The following AMZ1 variants were observed in gnomAD, a reference collection of about 807,000 sequenced individuals.
The protein encoded by AMZ1 is archaelysin family metallopeptidase 1.
In AMZ1, 39 loss-of-function variants were observed where a neutral mutation model predicts 29.9. The ratio of observed to expected loss-of-function variants is 1.30; its 90% confidence interval spans 1.01 to 1.70. AMZ1 has a LOEUF of 1.70. Among genes scored for constraint, AMZ1 ranks in the 40% most tolerant of loss-of-function variants. The pLI is 0.00. For missense variants in AMZ1, 1,041 were observed against 680.6 expected (o/e 1.53, Z -5.89); for synonymous variants, 458 against 304.0 (o/e 1.51, Z -5.27).
upstream of AMZ1, among the ~76,000 whole-genome samples, chr7:2,685,473 G>T (rs1019394759): frequency 1.3e-5 from 2 of 151,528 alleles, no homozygotes; most frequent in Admixed American, 6.6e-5. Context: ...CAGGAGAATC[G>T]CTTGAACCCA....
At chr7:2,711,440 G>A (rs1312147229) in intron 6 of AMZ1, among the ~76,000 whole-genome samples, 1 of 152,244 alleles carries the variant, frequency 6.6e-6, no homozygotes. Context: ...TGATGTCAGT[G>A]AGTGCTGAGT....
At chr7:2,742,660 G>A (rs1053662963) in intron 4 of AMZ1, among the ~76,000 whole-genome samples, 25 of 152,068 alleles carry the variant, frequency 1.6e-4, no homozygotes, top group African/African-American at 4.6e-4. Flanking sequence ...CCCTGTCCCC[G>A]CAAACACCTG....
At chr7:2,686,032 C>A (rs1787066427), upstream of AMZ1, among the ~76,000 whole-genome samples, 1 of 152,154 alleles carries the variant, frequency 6.6e-6, no homozygotes, top group East Asian at 1.9e-4. Context: ...GATACCTGTA[C>A]AAAGATCTGT....
chr7:2,697,978 C>T (rs1787839185), intron 1 of AMZ1, among the ~76,000 whole-genome samples: 1 of 152,122 alleles, frequency 6.6e-6, no homozygotes, highest in Non-Finnish European at 1.5e-5. Flanking sequence ...CATGTATATA[C>T]AGCTGTGTCA....
At chr7:2,757,835 G>A (rs1200147233) in intron 4 of AMZ1, among the ~76,000 whole-genome samples, 1 of 149,362 alleles carries the variant, frequency 6.7e-6, no homozygotes, top group African/African-American at 2.6e-5. Flanking sequence ...ATGAAGACAT[G>A]TGTTTTTTCA....
intron 1 of AMZ1, among the ~76,000 whole-genome samples, chr7:2,694,299 C>T (rs539360359): frequency 6.6e-5 from 10 of 152,306 alleles, no homozygotes; most frequent in African/African-American, 1.7e-4. Context: ...CCTCTCTTGC[C>T]CCGGGACTGG....
chr7:2,758,433 C>G (rs1007852545), intron 4 of AMZ1, among the ~76,000 whole-genome samples: 6 of 152,182 alleles, frequency 3.9e-5, no homozygotes, highest in Admixed American at 1.3e-4. Flanking sequence ...TTCATGTGTT[C>G]TGTGCTGTCA....
At chr7:2,703,927 C>T (rs1414909386) in intron 3 of AMZ1, among the ~76,000 whole-genome samples, 7 of 152,188 alleles carry the variant, frequency 4.6e-5, no homozygotes, top group South Asian at 2.1e-4. Context: ...CTTGCTCTGT[C>T]GCCCAGGCTG....
At position 2,717,970 on chromosome 7, in the gene AMZ1, G is replaced by C. The variant is rs956680073; in HGVS notation, c.*5092G>C. ...GCAAATCCAAATAGTCACCGGAGTC[G>C]AGCAAACACGGCGGCCCCTGCCTCC... On this transcript the variant is annotated 3_prime_UTR_variant, in exon 7 of 7. Transcript: ENST00000683327. 6.6e-6 allele frequency among the ~76,000 whole-genome samples: 1 copy of C among 152,176 alleles called. No individual in the cohort carries two copies. The highest frequency in any genetic ancestry group is 1.5e-5 in the Non-Finnish European group (1 of 68,020).
intron 6 of AMZ1, among the ~76,000 whole-genome samples, chr7:2,711,931 C>G (rs1005121363): frequency 2.0e-5 from 3 of 152,134 alleles, no homozygotes; most frequent in African/African-American, 4.8e-5. Context: ...TGTAAAATCC[C>G]TGCTACTCAG....
At chr7:2,755,333 G>GT (rs1416300700) in intron 4 of AMZ1, among the ~76,000 whole-genome samples, 1 of 152,234 alleles carries the variant, frequency 6.6e-6, no homozygotes, top group African/African-American at 2.4e-5. Flanking sequence ...TCAAATCTGT[G>GT]TATCAATCAG....
rs1359320668 is a variant in AMZ1, at chr7:2,718,606, A to T, written c.*5728A>T. 6.6e-6 allele frequency among the ~76,000 whole-genome samples: 1 copy of T among 152,206 alleles called. No individual in the cohort carries two copies. The highest frequency in any genetic ancestry group is 1.5e-5 in the Non-Finnish European group (1 of 68,036). On this transcript the variant is annotated 3_prime_UTR_variant, in exon 7 of 7. Transcript: ENST00000683327. ...CGGGGGCAGTGTGGGGTCCAGTCTG[A>T]AGCCGACGCCCCTCTCGGTCAGGCT...
At chr7:2,701,563 A>G (rs572537818) in intron 2 of AMZ1, among the ~76,000 whole-genome samples, 4 of 152,328 alleles carry the variant, frequency 2.6e-5, no homozygotes, top group African/African-American at 9.6e-5. Flanking sequence ...GGAACGGCCC[A>G]GGCAGGTGCG....
At chr7:2,759,076 G>A (rs560983416) in intron 4 of AMZ1, among the ~76,000 whole-genome samples, 20 of 151,662 alleles carry the variant, frequency 1.3e-4, no homozygotes, top group Middle Eastern at 3.4e-3. Flanking sequence ...GGGGGCGGAG[G>A]TTGCAATGAG....
Position 2,708,653 on chromosome 7 carries a change from C to T in AMZ1, c.538C>T (p.Leu180=). Residue 180 remains leucine, a synonymous_variant, in exon 4 of 7, where the codon CTG becomes TTG. Coordinates refer to ENST00000683327, the MANE Select transcript of AMZ1 (RefSeq NM_001384743.1). ...GDALCVLGLT[L]SDLYPHEAWS... The stretch of plus-strand genomic sequence containing the variant: ...CGCGCTGTGTGTGCTGGGCCTCACA[C>T]TGTCTGACCTGTACCCCCATGAGGC... The T allele has an allele frequency of 3.7e-6, 6 of 1,613,266 alleles. 1 individual carries two copies. Among genetic ancestry groups the T allele is most frequent in the South Asian group, 2.2e-5 (2 of 91,080 alleles).
downstream of AMZ1, among the ~76,000 whole-genome samples, chr7:2,721,761 G>A (rs1422931585): frequency 6.6e-6 from 1 of 151,506 alleles, no homozygotes; most frequent in African/African-American, 2.4e-5. Flanking sequence ...ACACTCAGGG[G>A]CCCCCCACTT....
upstream of AMZ1, chr7:2,763,050 C>G (rs1791643537): frequency 6.4e-6 from 8 of 1,247,132 alleles, no homozygotes; most frequent in Non-Finnish European, 8.0e-6. Flanking sequence ...TGCCGTTCCT[C>G]CAGGACGCAG....
At chr7:2,744,682 G>A (rs190576802) in intron 4 of AMZ1, among the ~76,000 whole-genome samples, 202 of 152,318 alleles carry the variant, frequency 1.3e-3, no homozygotes, top group Admixed American at 5.2e-3. Context: ...TGACTTTGAC[G>A]AGTTGAGAAA....
intron 4 of AMZ1, among the ~76,000 whole-genome samples, chr7:2,746,199 C>T (rs1790755603): frequency 6.6e-6 from 1 of 152,186 alleles, no homozygotes; most frequent in Admixed American, 6.5e-5. Context: ...CTCTCCACCC[C>T]AAATCAACAG....
Sources: gnomAD v4.1 joint callset for allele counts (sites outside exome capture counted in the v4.1 genomes callset) on GRCh38, gnomAD v4.1.1 for gene constraint, MANE v1.5 for transcripts, NCBI Gene and HGNC (gene_info 2026-07-23, HGNC 2026-07-21) for gene names.